NOMO3: variants seen among roughly 807,000 people sequenced by gnomAD.
NOMO3 encodes the protein NODAL modulator 3.
Under a neutral mutation model 69.9 loss-of-function variants are expected in NOMO3, and 15 were observed. The observed-to-expected ratio is 0.21, with a 90% CI of 0.14 to 0.33. The LOEUF is 0.33. Ranked by LOEUF, NOMO3 falls within the 10% of genes least tolerant of loss-of-function variation. The probability of loss-of-function intolerance (pLI) is 1.00; values close to 1 mark genes in which losing one functional copy is unlikely to be tolerated. For missense variants in NOMO3, 218 were observed against 761.0 expected, an observed-to-expected ratio of 0.29 and a Z score of 8.39; for synonymous variants, 89 against 301.9, an observed-to-expected ratio of 0.29 and a Z score of 7.31.
rs1361891288 is a variant in NOMO3 at position 16,259,341 on chromosome 16, A to G, written c.1221-2161A>G. 1.4e-5 allele frequency among the ~76,000 whole-genome samples: 2 copies of G among 142,870 alleles called. 1 individual carries two copies. Among genetic ancestry groups the G allele is most frequent in the Admixed American group, 1.4e-4 (2 of 14,786 alleles). 93.7% of individuals were successfully genotyped at this position (142,870 alleles called of 152,430 possible). Reference sequence around the variant, plus strand: ...TTTTAGCACACTGATACTTCTTACTATTTCTTTTCCTTTTTATTTTTTGTT... The same window carrying G: ...TTTTAGCACACTGATACTTCTTACTGTTTCTTTTCCTTTTTATTTTTTGTT... On this transcript the variant is annotated intron_variant, in intron 11 of 30. Coordinates refer to ENST00000399336, the MANE Select transcript of NOMO3 (RefSeq NM_001004067.4).
intron 2 of NOMO3, 92 bp from the exon 3 acceptor site, chr16:16,239,759 A>G: frequency 2.5e-6 from 1 of 396,730 alleles, no homozygotes; most frequent in East Asian, 6.7e-5. Context: ...CCGGTGTAAA[A>G]AAATTTTAGA....
intron 3 of NOMO3, among the ~76,000 whole-genome samples, chr16:16,241,111 C>T (rs2141247718): frequency 7.0e-6 from 1 of 143,496 alleles, no homozygotes; most frequent in East Asian, 2.3e-4. Context: ...ATCCACCATC[C>T]AGATAATAAG....
chr16:16,243,098 C>T (rs954354369), intron 3 of NOMO3, 63 bp from the exon 4 acceptor site: 2 of 641,594 alleles, frequency 3.1e-6, no homozygotes, highest in Non-Finnish European at 5.2e-6. Context: ...GTTCACTGTA[C>T]CCCAAAACTA....
In NOMO3 at chr16:16,236,951, C is replaced by T; in HGVS notation, c.216C>T (p.Ala72=). The change falls in exon 2 of 31, where the codon GCC becomes GCT. Residue 72 remains alanine, a synonymous_variant. Coordinates refer to ENST00000399336, the MANE Select transcript of NOMO3 (RefSeq NM_001004067.4). ...CTTTGAAATACCAGACAGACTGTGC[C>T]CCTAATAATGGTTACTTTATGATCC... ...HGTLKYQTDC[A]PNNGYFMIPL... is the part of the protein sequence containing the mutation. 6.4e-7 allele frequency: 1 copy of T among 1,555,314 alleles called. No individual in the cohort carries two copies. Among genetic ancestry groups the T allele is most frequent in the Non-Finnish European group, 8.7e-7 (1 of 1,148,760 alleles).
chr16:16,273,638 A>C (rs2049673557), intron 18 of NOMO3, 51 bp from the exon 19 acceptor site: 5 of 340,410 alleles, frequency 1.5e-5, no homozygotes, highest in Admixed American at 6.5e-5. Context: ...ATTCCCACTG[A>C]CCACAAGGAT....
intron 16 of NOMO3, among the ~76,000 whole-genome samples, chr16:16,268,555 G>A (rs2049637952): frequency 2.1e-5 from 3 of 143,140 alleles, no homozygotes. Flanking sequence ...TAGCTCCTGT[G>A]TAACCCAGCC....
chr16:16,237,556 T>C lies in NOMO3; in HGVS notation c.255+566T>C, dbSNP rs551669018. Among the ~76,000 whole-genome samples, 22 of 143,214 alleles carry C rather than the reference T, an allele frequency of 1.5e-4. 7 individuals are homozygous for C. The East Asian group carries it at 4.0e-3, about 26-fold the overall frequency. The allele number at this position is 143,214 out of a possible 152,430, so 94.0% of individuals were successfully genotyped here. A position where few individuals can be genotyped will look rare whatever the true frequency, so the allele number is the denominator to read the frequency against. ...AAAGGTTTTTTTTGTTGTTTTTTTT[T>C]TTCTTCTTTTGAGTTGGAGTCTCGC... On this transcript the variant is annotated intron_variant, in intron 2 of 30. Transcript: ENST00000399336.
intron 1 of NOMO3, among the ~76,000 whole-genome samples, chr16:16,233,525 T>A (rs868000930): frequency 8.7e-6 from 1 of 114,734 alleles, no homozygotes; most frequent in African/African-American, 3.2e-5. Flanking sequence ...TTTTTTTTAA[T>A]TAAGTTGTAA....
chr16:16,264,900 T>C, intron 14 of NOMO3, 143 bp from the exon 15 acceptor site: 2 of 565,782 alleles, frequency 3.5e-6, no homozygotes, highest in Non-Finnish European at 3.0e-6. Context: ...TATAAATATA[T>C]GTATGTGTAT....
At chr16:16,263,366 A>T in intron 13 of NOMO3, 147 bp from the exon 14 acceptor site, 5 of 1,571,710 alleles carry the variant, frequency 3.2e-6, no homozygotes, top group Non-Finnish European at 4.3e-6. Flanking sequence ...GGTACATGTT[A>T]ACTTGAAAGA....
chr16:16,236,087 C>T (rs1471786719), intron 1 of NOMO3: 3 of 163,952 alleles, frequency 1.8e-5, no homozygotes, highest in South Asian at 1.4e-4. Flanking sequence ...TCTTTTTCTT[C>T]GGAGAATGAA....
intron 4 of NOMO3, among the ~76,000 whole-genome samples, chr16:16,244,503 T>A (rs1378004910): frequency 9.9e-6 from 1 of 100,768 alleles, no homozygotes; most frequent in Non-Finnish European, 1.9e-5. Flanking sequence ...TATTTTTATG[T>A]ACATTTACTT....
chr16:16,267,521 G>A (rs1276893160), intron 16 of NOMO3, among the ~76,000 whole-genome samples: 2 of 142,662 alleles, frequency 1.4e-5, no homozygotes, highest in Non-Finnish European at 3.0e-5. Context: ...TGCAGCCTCC[G>A]CCTCCTGGGT....
chr16:16,242,992 A>G (rs1395642340), intron 3 of NOMO3, among the ~76,000 whole-genome samples, 169 bp from the exon 4 acceptor site: 1 of 144,008 alleles, frequency 6.9e-6, no homozygotes, highest in Non-Finnish European at 1.5e-5. Context: ...TTTTCCCAGA[A>G]TACTTTTTCG....
chr16:16,258,282 A>G (rs1461958084), intron 11 of NOMO3, among the ~76,000 whole-genome samples: 1 of 137,404 alleles, frequency 7.3e-6, no homozygotes, highest in Admixed American at 7.1e-5. Flanking sequence ...AATTATGGCA[A>G]ATGTTGTGCA....
At position 16,250,959 on chromosome 16, in the gene NOMO3, A is replaced by G; in HGVS notation, c.614A>G (p.Asn205Ser). 3.6e-6 allele frequency: 2 copies of G among 557,508 alleles called. No individual in the cohort carries two copies. Among genetic ancestry groups the G allele is most frequent in the Admixed American group, 3.4e-5 (1 of 29,718 alleles). The allele number at this position is 557,508 out of a possible 1,614,324, so 34.5% of individuals were successfully genotyped here. A position where few individuals can be genotyped will look rare whatever the true frequency, so the allele number is the denominator to read the frequency against. ...ACCACAGTGCGTGTAACCAACTCCA[A>G]TGCCAATGCGGCCAGTCCCCTCATA... ...ASTTVRVTNSNANAASPLIVA... is the reference protein window; with the variant it reads ...ASTTVRVTNSSANAASPLIVA... The change falls in exon 7 of 31, where the codon AAT becomes AGT. Residue 205 changes from asparagine to serine, a missense_variant. Physicochemically the swap from Asn to Ser is conservative, Grantham distance 46 (BLOSUM62 1). Coordinates refer to ENST00000399336, the MANE Select transcript of NOMO3 (RefSeq NM_001004067.4).
At chr16:16,265,671 T>TATATTTTA (rs1441759344) in intron 15 of NOMO3, among the ~76,000 whole-genome samples, 3 of 11,544 alleles carry the variant, frequency 2.6e-4, no homozygotes, top group Admixed American at 1.1e-3. Context: ...TATATATATA[T>TATATTTTA]TTTTTTTTTT....
At chr16:16,266,730 A>G in intron 15 of NOMO3, 2 of 532,658 alleles carry the variant, frequency 3.8e-6, no homozygotes, top group East Asian at 1.0e-4. Flanking sequence ...TCACTAATTT[A>G]TTTGTTGTTG....
At chr16:16,252,956 G>A (rs1246182108) in intron 9 of NOMO3, among the ~76,000 whole-genome samples, 1 of 135,148 alleles carries the variant, frequency 7.4e-6, no homozygotes, top group East Asian at 2.5e-4. Context: ...ACCTCAGCCT[G>A]TTGAGTAGCT....
Sources: gnomAD v4.1 joint callset for allele counts (sites outside exome capture counted in the v4.1 genomes callset) on GRCh38, gnomAD v4.1.1 for gene constraint, MANE v1.5 for transcripts, NCBI Gene and HGNC (gene_info 2026-07-23, HGNC 2026-07-21) for gene names.